Variants in RORA observed in about 807,000 individuals in gnomAD.
RORA encodes the protein nuclear receptor ROR-alpha.
RORA carries 7 observed loss-of-function variants against 69.5 expected under a neutral mutation model. The ratio of observed to expected loss-of-function variants is 0.10; its 90% confidence interval spans 0.06 to 0.19. The LOEUF (loss-of-function observed/expected upper bound fraction) is 0.19, where lower values mean the gene tolerates loss of function less well. Among genes scored for constraint, RORA ranks in the 10% least tolerant of loss-of-function variants. The pLI, the probability that RORA is intolerant of heterozygous loss-of-function variation, is 1.00. For synonymous variants in RORA, 261 were observed against 240.8 expected (o/e 1.08, Z -0.78); for missense variants, 457 against 663.0 (o/e 0.69, Z 3.41).
intron 1 of RORA, among the ~76,000 whole-genome samples, chr15:60,989,905 T>G (rs1474470231): frequency 6.6e-6 from 1 of 152,150 alleles, no homozygotes; most frequent in Non-Finnish European, 1.5e-5. Context: ...ACTTTTGTTT[T>G]TATAAGAAAA....
chr15:60,560,113 T>G (rs958810977), intron 2 of RORA, among the ~76,000 whole-genome samples: 9 of 152,186 alleles, frequency 5.9e-5, no homozygotes, highest in African/African-American at 1.9e-4. Flanking sequence ...CTCCTTATTT[T>G]GCTCCCTATG....
chr15:61,077,774 C>A (rs971720224), intron 1 of RORA, among the ~76,000 whole-genome samples: 3 of 152,220 alleles, frequency 2.0e-5, no homozygotes, highest in African/African-American at 7.2e-5. Context: ...CCATCTCACT[C>A]CATCCAGAAG....
intron 1 of RORA, among the ~76,000 whole-genome samples, chr15:60,833,498 C>A (rs560714226): frequency 6.9e-4 from 105 of 152,274 alleles, no homozygotes; most frequent in South Asian, 1.9e-3. Flanking sequence ...TTACAGATTA[C>A]ATCCCACCCG....
At chr15:61,206,461 G>A (rs767131458) in intron 1 of RORA, among the ~76,000 whole-genome samples, 4 of 152,120 alleles carry the variant, frequency 2.6e-5, no homozygotes, top group East Asian at 1.9e-4. Flanking sequence ...ACAACCCCAC[G>A]ACATCCCTGT....
chr15:60,750,855 C>T (rs1487666118), intron 1 of RORA, among the ~76,000 whole-genome samples: 1 of 152,190 alleles, frequency 6.6e-6, no homozygotes, highest in Non-Finnish European at 1.5e-5. Context: ...ATAGACAAAG[C>T]CACCTAGGTC....
intron 1 of RORA, among the ~76,000 whole-genome samples, chr15:60,965,891 G>A (rs1893542553): frequency 6.6e-6 from 1 of 152,106 alleles, no homozygotes; most frequent in South Asian, 2.1e-4. Context: ...CCCTGTCCAT[G>A]TGCTAGAATT....
At chr15:61,007,788 T>G (rs2140389375) in intron 1 of RORA, among the ~76,000 whole-genome samples, 1 of 147,862 alleles carries the variant, frequency 6.8e-6, no homozygotes, top group African/African-American at 2.5e-5. Context: ...TGTTATATAT[T>G]TAACATTAGG....
chr15:60,801,271 T>TC (rs1367525327), intron 1 of RORA, among the ~76,000 whole-genome samples: 2 of 151,776 alleles, frequency 1.3e-5, no homozygotes, highest in African/African-American at 4.8e-5. Context: ...GGCCTCCCCC[T>TC]CCCCCCTCCT....
chr15:60,500,847 C>A (rs2065310133), intron 9 of RORA, 112 bp downstream of exon 9: 1 of 581,658 alleles, frequency 1.7e-6, no homozygotes, highest in African/African-American at 1.9e-5. Context: ...AGGGTGGAGA[C>A]CTCTCTTAGT....
In RORA at chr15:61,088,865, C is replaced by A. The variant is rs142157799; in HGVS notation, c.166+140188G>T. 1.5e-3 allele frequency among the ~76,000 whole-genome samples: 230 copies of A among 152,320 alleles called. 1 individual carries two copies. The highest frequency in any genetic ancestry group is 5.3e-3 in the African/African-American group (219 of 41,562). ...CATTTAAAAGAGGAACTGAAAAGCA[C>A]AGCCAAACCTCTAAAATCTCCCAAT... On this transcript the variant is annotated intron_variant, in intron 1 of 10. Coordinates refer to ENST00000335670, the MANE Select transcript of RORA (RefSeq NM_134261.3).
intron 1 of RORA, among the ~76,000 whole-genome samples, chr15:61,200,441 T>C (rs1488541368): frequency 6.6e-6 from 1 of 152,062 alleles, no homozygotes; most frequent in Non-Finnish European, 1.5e-5. Flanking sequence ...GCAGGATCCA[T>C]CGGGGCCCAG....
At chr15:60,835,591 T>A (rs1433772376) in intron 1 of RORA, among the ~76,000 whole-genome samples, 1 of 152,200 alleles carries the variant, frequency 6.6e-6, no homozygotes, top group African/African-American at 2.4e-5. Context: ...TCCATACACA[T>A]ATAACTCTCA....
intron 1 of RORA, among the ~76,000 whole-genome samples, chr15:60,928,834 G>A (rs940448686): frequency 2.9e-4 from 44 of 152,344 alleles, no homozygotes; most frequent in Non-Finnish European, 2.6e-4. Context: ...TCTAGGCACA[G>A]GCTCCTCTGG....
At chr15:61,223,182 T>C (rs2080114896) in intron 1 of RORA, among the ~76,000 whole-genome samples, 1 of 151,794 alleles carries the variant, frequency 6.6e-6, no homozygotes, top group Non-Finnish European at 1.5e-5. Flanking sequence ...GGCATGGTGG[T>C]GCGCACCTGT....
At chr15:61,187,297 C>T (rs925902942) in intron 1 of RORA, among the ~76,000 whole-genome samples, 1 of 152,250 alleles carries the variant, frequency 6.6e-6, no homozygotes, top group African/African-American at 2.4e-5. Flanking sequence ...CATGTACAGG[C>T]GGCCCGCCAG....
intron 1 of RORA, among the ~76,000 whole-genome samples, chr15:61,012,321 A>C (rs1895111564): frequency 6.6e-6 from 1 of 152,200 alleles, no homozygotes. Context: ...AGGGCACCCA[A>C]ATTGGTACAG....
At chr15:60,635,751 T>G (rs2069825015) in intron 2 of RORA, among the ~76,000 whole-genome samples, 1 of 152,156 alleles carries the variant, frequency 6.6e-6, no homozygotes, top group East Asian at 1.9e-4. Flanking sequence ...AGAGACACGC[T>G]GAAGATCGTT....
chr15:60,553,393 G>C (rs2067275465), intron 2 of RORA, among the ~76,000 whole-genome samples: 1 of 152,094 alleles, frequency 6.6e-6, no homozygotes, highest in Non-Finnish European at 1.5e-5. Context: ...TTGTTGGTTG[G>C]TTCTAATATT....
Position 60,905,137 on chromosome 15 carries a change from A to T in RORA, c.167-226451T>A, listed in dbSNP as rs912475823. Among the ~76,000 whole-genome samples, 1 of 152,196 alleles carries T rather than the reference A, an allele frequency of 6.6e-6. No individual in the cohort carries two copies. The highest frequency in any genetic ancestry group is 1.5e-5 in the Non-Finnish European group (1 of 68,038). ...GGAGGCTTGGAAATATTTTAGTTAC[A>T]TAAACTGACATCAACCCCTCTTCTT... On this transcript the variant is annotated intron_variant, in intron 1 of 10. Coordinates refer to ENST00000335670, the MANE Select transcript of RORA (RefSeq NM_134261.3). The surrounding 1 kb of genome is among the most constrained non-coding windows in gnomAD (Gnocchi z 4.8).
Sources: gnomAD v4.1 joint callset for allele counts (sites outside exome capture counted in the v4.1 genomes callset) on GRCh38, gnomAD v4.1.1 for gene constraint, Gnocchi (gnomAD v3.1) non-coding constraint, MANE v1.5 for transcripts, NCBI Gene and HGNC (gene_info 2026-07-23, HGNC 2026-07-21) for gene names.